ZFAND3: variants seen among roughly 807,000 people sequenced by gnomAD.
ZFAND3 encodes the protein zinc finger AN1-type containing 3, also known as AN1-type zinc finger protein 3.
ZFAND3 carries 10 observed loss-of-function variants against 29.6 expected under a neutral mutation model. The ratio of observed to expected loss-of-function variants is 0.34; its 90% CI spans 0.21 to 0.57. The LOEUF (loss-of-function observed/expected upper bound fraction) is 0.57. ZFAND3 is among the 20% of genes least tolerant of loss of function. The pLI is 0.86. For missense variants in ZFAND3, 230 were observed against 304.5 expected, an observed-to-expected ratio of 0.76 and a Z score of 1.82; for synonymous variants, 128 against 112.6, an observed-to-expected ratio of 1.14 and a Z score of -0.87.
intron 5 of ZFAND3, among the ~76,000 whole-genome samples, chr6:38,143,455 A>T (rs1444138522): frequency 6.6e-6 from 1 of 152,264 alleles, no homozygotes; most frequent in East Asian, 1.9e-4. Flanking sequence ...AGTTCTTTGC[A>T]CAAGGCTTTT....
chr6:37,879,592 ATG>A (rs1307096127), intron 1 of ZFAND3, among the ~76,000 whole-genome samples: 9 of 152,182 alleles, frequency 5.9e-5, no homozygotes, highest in Admixed American at 2.6e-4. Flanking sequence ...GTACTTAAAA[ATG>A]TGTGTTTCTT....
chr6:38,114,196 TTTC>T (rs1765373101), intron 4 of ZFAND3, among the ~76,000 whole-genome samples: 1 of 152,190 alleles, frequency 6.6e-6, no homozygotes, highest in Non-Finnish European at 1.5e-5. Flanking sequence ...ACCCTAGAAT[TTTC>T]TTGTTACAAA....
At chr6:38,018,891 A>G (rs1763297325) in intron 2 of ZFAND3, among the ~76,000 whole-genome samples, 1 of 152,140 alleles carries the variant, frequency 6.6e-6, no homozygotes, top group African/African-American at 2.4e-5. Context: ...GAAATAATTT[A>G]CACTCCCACT....
rs543726036 is a variant in ZFAND3 at position 38,030,523 on chromosome 6, A to G, written c.113-31070A>G. ...AATCATAATATAGCTACCCCAAACTAAAGTATTCAGAGAAAAGGACACATT... is the reference window on the plus strand; with the variant it reads ...AATCATAATATAGCTACCCCAAACTGAAGTATTCAGAGAAAAGGACACATT... On this transcript the variant is annotated intron_variant, in intron 2 of 5. Coordinates refer to ENST00000287218, the MANE Select transcript of ZFAND3 (RefSeq NM_021943.3). Among the ~76,000 whole-genome samples, 468 of 152,296 alleles carry G rather than the reference A, an allele frequency of 3.1e-3. 3 individuals carry two copies. Among genetic ancestry groups the G allele is most frequent in the African/African-American group, 0.011 (445 of 41,574 alleles).
At chr6:37,926,906 C>T (rs532884479) in intron 1 of ZFAND3, among the ~76,000 whole-genome samples, 1 of 152,250 alleles carries the variant, frequency 6.6e-6, no homozygotes, top group South Asian at 2.1e-4. Context: ...TCAAAGTTCC[C>T]GGAAGTCTCT....
chr6:37,827,347 T>C (rs1281991016), intron 1 of ZFAND3, among the ~76,000 whole-genome samples: 1 of 152,218 alleles, frequency 6.6e-6, no homozygotes, highest in Non-Finnish European at 1.5e-5. Flanking sequence ...CAGGGAGGTA[T>C]TGGTCTAACA....
intron 2 of ZFAND3, among the ~76,000 whole-genome samples, chr6:38,019,808 G>A (rs35202194): frequency 0.079 from 12,068 of 152,168 alleles, 597 homozygotes; most frequent in African/African-American, 0.14. Context: ...TGCAACCTCT[G>A]CCTCCTGGGT....
intron 5 of ZFAND3, among the ~76,000 whole-genome samples, chr6:38,126,648 A>C (rs929851275): frequency 6.6e-6 from 1 of 151,870 alleles, no homozygotes. Context: ...CTAATGACCA[A>C]TGATGTTGAA....
chr6:37,901,979 A>G (rs1765326840), intron 1 of ZFAND3, among the ~76,000 whole-genome samples: 1 of 152,208 alleles, frequency 6.6e-6, no homozygotes, highest in Non-Finnish European at 1.5e-5. Flanking sequence ...TAACACTTGT[A>G]GCTGTTGAGG....
chr6:37,854,855 TTA>T (rs776084158), intron 1 of ZFAND3, among the ~76,000 whole-genome samples: 4 of 148,288 alleles, frequency 2.7e-5, no homozygotes, highest in Non-Finnish European at 4.5e-5. Context: ...AGCTCTGCAG[TTA>T]TATATGTCTT....
intron 4 of ZFAND3, among the ~76,000 whole-genome samples, chr6:38,100,690 C>G (rs1765074958): frequency 6.6e-6 from 1 of 152,210 alleles, no homozygotes; most frequent in South Asian, 2.1e-4. Context: ...ACTCCAGCCA[C>G]TTATCTCTAA....
intron 2 of ZFAND3, among the ~76,000 whole-genome samples, chr6:38,041,675 T>TCTCCTTCTCCTTCTCCTTCTC (rs1344333569): frequency 4.5e-5 from 1 of 22,070 alleles, no homozygotes; most frequent in African/African-American, 1.7e-4. Context: ...TTCTTCTTCT[T>TCTCCTTCTCCTTCTCCTTCTC]CTTCTTCTTC....
intron 1 of ZFAND3, among the ~76,000 whole-genome samples, chr6:37,875,119 T>G (rs536532200): frequency 6.6e-6 from 1 of 152,368 alleles, no homozygotes; most frequent in East Asian, 1.9e-4. Flanking sequence ...TTTATACTGA[T>G]GTACCTGAGT....
At chr6:37,869,065 A>G (rs1764642931) in intron 1 of ZFAND3, among the ~76,000 whole-genome samples, 1 of 152,238 alleles carries the variant, frequency 6.6e-6, no homozygotes, top group African/African-American at 2.4e-5. Flanking sequence ...TTCTCATGGA[A>G]TATGTCCATT....
At chr6:38,086,187 A>G (rs935931274) in intron 4 of ZFAND3, among the ~76,000 whole-genome samples, 4 of 152,182 alleles carry the variant, frequency 2.6e-5, no homozygotes, top group Non-Finnish European at 4.4e-5. Context: ...TAGATGGGAA[A>G]GACTTTTCTT....
intron 2 of ZFAND3, among the ~76,000 whole-genome samples, chr6:37,947,167 CT>C: frequency 6.6e-6 from 1 of 152,064 alleles, no homozygotes; most frequent in African/African-American, 2.4e-5. Flanking sequence ...GTTCAAATTT[CT>C]TTTAAAAATC....
intron 1 of ZFAND3, among the ~76,000 whole-genome samples, chr6:37,838,236 AT>A (rs1012287031): frequency 1.3e-5 from 2 of 152,172 alleles, no homozygotes; most frequent in Non-Finnish European, 2.9e-5. Context: ...TGTTCATAAC[AT>A]TTTTGCAGGT....
At chr6:38,047,392 T>C (rs1763925570) in intron 2 of ZFAND3, among the ~76,000 whole-genome samples, 1 of 152,138 alleles carries the variant, frequency 6.6e-6, no homozygotes, top group African/African-American at 2.4e-5. Context: ...TGGTCTGTGA[T>C]CTGTGATGCT....
intron 2 of ZFAND3, among the ~76,000 whole-genome samples, chr6:37,933,795 C>G (rs1761641351): frequency 1.3e-5 from 2 of 151,244 alleles, no homozygotes; most frequent in Admixed American, 6.6e-5. Flanking sequence ...AACTTTTTGA[C>G]AACTATCTTA....
Sources: allele counts gnomAD v4.1 joint callset (sites outside exome capture counted in the v4.1 genomes callset), GRCh38; gene constraint gnomAD v4.1.1; transcripts MANE v1.5; gene names NCBI Gene and HGNC (gene_info 2026-07-23, HGNC 2026-07-21).